The following CLEC17A variants were observed in gnomAD, a reference collection of about 807,000 sequenced individuals.
The protein encoded by CLEC17A is C-type lectin domain family 17, member A.
Under a neutral mutation model 61.3 loss-of-function variants are expected in CLEC17A, and 37 were observed. The observed-to-expected ratio is 0.60, with a 90% CI of 0.46 to 0.79. The LOEUF (loss-of-function observed/expected upper bound fraction) is 0.79. Ranked by LOEUF, CLEC17A falls within the 30% of genes least tolerant of loss-of-function variation. CLEC17A has a pLI of 0.00. For missense variants in CLEC17A, 418 were observed against 464.7 expected, an observed-to-expected ratio of 0.90 and a Z score of 0.92; for synonymous variants, 168 against 164.9, an observed-to-expected ratio of 1.02 and a Z score of -0.14.
At chr19:14,592,454 T>G (rs1395971541) in intron 4 of CLEC17A, 96 bp downstream of exon 4, 1 of 1,565,976 alleles carries the variant, frequency 6.4e-7, no homozygotes, top group Non-Finnish European at 8.7e-7. Context: ...GTCAGTCTCC[T>G]CTGTATCCAG....
At chr19:14,609,278 C>A (rs2074988198) in intron 13 of CLEC17A, among the ~76,000 whole-genome samples, 1 of 152,186 alleles carries the variant, frequency 6.6e-6, no homozygotes, top group Non-Finnish European at 1.5e-5. Context: ...GTGCTGTTGA[C>A]ATCCCAGTGG....
intron 10 of CLEC17A, among the ~76,000 whole-genome samples, chr19:14,597,986 T>C (rs2074590205): frequency 6.6e-6 from 1 of 152,064 alleles, no homozygotes; most frequent in South Asian, 2.1e-4. Context: ...AATACACACG[T>C]TAATTATAGA....
intron 13 of CLEC17A, among the ~76,000 whole-genome samples, chr19:14,607,449 C>T (rs538489945): frequency 6.6e-5 from 10 of 151,928 alleles, no homozygotes; most frequent in South Asian, 4.1e-4. Flanking sequence ...GTGATCTGCC[C>T]GCCTTGGCCT....
At chr19:14,586,282 G>T (rs111831095) in intron 2 of CLEC17A, among the ~76,000 whole-genome samples, 3 of 151,958 alleles carry the variant, frequency 2.0e-5, no homozygotes, top group African/African-American at 7.3e-5. Flanking sequence ...GTGCCACTGT[G>T]CCCGGCTAAT....
At chr19:14,601,157 C>G (rs2074705631) in intron 12 of CLEC17A, among the ~76,000 whole-genome samples, 1 of 151,978 alleles carries the variant, frequency 6.6e-6, no homozygotes, top group Non-Finnish European at 1.5e-5. Flanking sequence ...CCCACCTCTG[C>G]CTCCCAAAGT....
At chr19:14,591,997 A>G (rs938536166) in intron 3 of CLEC17A, among the ~76,000 whole-genome samples, 7 of 151,176 alleles carry the variant, frequency 4.6e-5, no homozygotes, top group Non-Finnish European at 1.0e-4. Context: ...TTTGAAAGGA[A>G]AGGGAAACAG....
At chr19:14,596,851 C>G (rs1248142747) in intron 8 of CLEC17A, 25 bp from the exon 9 acceptor site, 1 of 1,605,444 alleles carries the variant, frequency 6.2e-7, no homozygotes, top group Non-Finnish European at 8.5e-7. Context: ...GTATCAGTCT[C>G]TCTGTTCCCA....
intron 12 of CLEC17A, among the ~76,000 whole-genome samples, chr19:14,605,157 T>A (rs1020660731): frequency 1.3e-5 from 2 of 151,342 alleles, no homozygotes; most frequent in African/African-American, 2.4e-5. Flanking sequence ...GAGTGCACTG[T>A]CGCGATCTCA....
rs769343011 is a variant in CLEC17A at position 14,610,053 on chromosome 19, C to T, written c.1005-11C>T. 59 of 1,609,830 alleles carry T rather than the reference C, an allele frequency of 3.7e-5. No individual in the cohort carries two copies. Among genetic ancestry groups the T allele is most frequent in the Middle Eastern group, 3.3e-4 (2 of 6,050 alleles). On this transcript the variant is annotated splice_polypyrimidine_tract_variant and intron_variant, in intron 13 of 13. Transcript: ENST00000417570. Reference sequence around the variant, plus strand: ...ATCCCTGTCCCTCTGCCCACTTTTTCCTCCATCCAGCTTCTGGGAGCCAGA... The same window carrying T: ...ATCCCTGTCCCTCTGCCCACTTTTTTCTCCATCCAGCTTCTGGGAGCCAGA...
intron 10 of CLEC17A, among the ~76,000 whole-genome samples, chr19:14,597,748 T>A (rs1028374323): frequency 7.9e-5 from 12 of 151,994 alleles, no homozygotes; most frequent in African/African-American, 2.4e-4. Flanking sequence ...CATAGGCGCA[T>A]GCCATCACAC....
chr19:14,581,219 G>C (rs2074178693), upstream of CLEC17A, among the ~76,000 whole-genome samples: 1 of 152,112 alleles, frequency 6.6e-6, no homozygotes, highest in Non-Finnish European at 1.5e-5. Context: ...CCTCTACAAA[G>C]GGAAATTGGG....
intron 12 of CLEC17A, among the ~76,000 whole-genome samples, chr19:14,601,242 A>G (rs2146725353): frequency 6.6e-6 from 1 of 152,252 alleles, no homozygotes; most frequent in East Asian, 1.9e-4. Context: ...GACAGTCTCC[A>G]TAGTCCAATG....
intron 4 of CLEC17A, among the ~76,000 whole-genome samples, chr19:14,593,383 A>C (rs2074466977): frequency 6.6e-6 from 1 of 151,100 alleles, no homozygotes; most frequent in South Asian, 2.1e-4. Context: ...GTGGTGGCTC[A>C]TGCTTGTAAT....
chr19:14,611,936 G>A lies in CLEC17A; in HGVS notation c.*1740G>A, dbSNP rs575354973. Reference sequence around the variant, plus strand: ...CGAGAATTGCTTGAACCCAGGAGGCGGAGGTTGCAGTGAGCCGAGATTGTG... The same window carrying A: ...CGAGAATTGCTTGAACCCAGGAGGCAGAGGTTGCAGTGAGCCGAGATTGTG... On this transcript the variant is annotated 3_prime_UTR_variant, in exon 14 of 14. Transcript: ENST00000417570. Among the ~76,000 whole-genome samples the A allele has an allele frequency of 4.6e-4, 70 of 152,106 alleles. No homozygotes were observed. The highest frequency in any genetic ancestry group is 8.7e-4 in the Non-Finnish European group (59 of 67,998).
chr19:14,601,846 G>A (rs1006759319), intron 12 of CLEC17A, among the ~76,000 whole-genome samples: 3 of 152,092 alleles, frequency 2.0e-5, no homozygotes, highest in Admixed American at 2.0e-4. Flanking sequence ...AGGCTGGAGT[G>A]CAGTGGCGCG....
chr19:14,595,190 C>G, intron 7 of CLEC17A, 84 bp from the exon 8 acceptor site: 2 of 1,511,580 alleles, frequency 1.3e-6, no homozygotes, highest in Non-Finnish European at 1.8e-6. Context: ...AAATTCTGAC[C>G]AGAGAACAAA....
At chr19:14,582,365 A>G (rs563871654), upstream of CLEC17A, among the ~76,000 whole-genome samples, 87 of 151,956 alleles carry the variant, frequency 5.7e-4, no homozygotes, top group African/African-American at 2.0e-3. Context: ...GGCACCCGCC[A>G]CCACACCCAG....
In CLEC17A at chr19:14,601,027, C is replaced by T. The variant is rs147074572; in HGVS notation, c.894+845C>T. On this transcript the variant is annotated intron_variant, in intron 12 of 13. Coordinates refer to ENST00000417570, the MANE Select transcript of CLEC17A (RefSeq NM_001204118.2). Reference sequence around the variant, plus strand: ...AAGCAATTCTAGTGCCTCAGTCTCCCGAGTAGCTGGGATTGCAGGCATGTG... The same window carrying T: ...AAGCAATTCTAGTGCCTCAGTCTCCTGAGTAGCTGGGATTGCAGGCATGTG... 1.9e-3 allele frequency among the ~76,000 whole-genome samples: 282 copies of T among 150,592 alleles called. 1 individual carries two copies. Among genetic ancestry groups the T allele is most frequent in the African/African-American group, 2.4e-3 (99 of 40,948 alleles).
intron 3 of CLEC17A, among the ~76,000 whole-genome samples, chr19:14,590,690 T>G (rs187467382): frequency 6.6e-6 from 1 of 151,964 alleles, no homozygotes; most frequent in Admixed American, 6.6e-5. Context: ...CCCAGCCTCT[T>G]TTCTTTTTTC....
Sources: gnomAD v4.1 joint callset for allele counts (sites outside exome capture counted in the v4.1 genomes callset) on GRCh38, gnomAD v4.1.1 for gene constraint, MANE v1.5 for transcripts, NCBI Gene and HGNC (gene_info 2026-07-23, HGNC 2026-07-21) for gene names.